Variants in FGF12 observed in about 807,000 individuals in gnomAD.
The protein encoded by FGF12 is fibroblast growth factor 12B.
In FGF12, 14 loss-of-function variants were observed where a neutral mutation model predicts 23.6. That is an observed-to-expected ratio of 0.59 (90% confidence interval 0.39 to 0.93). The LOEUF is 0.93. Among genes scored for constraint, FGF12 ranks in the 40% least tolerant of loss-of-function variants. FGF12 has a pLI of 0.00. For synonymous variants in FGF12, 62 were observed against 77.3 expected (o/e 0.80, Z 1.04); for missense variants, 175 against 217.8 (o/e 0.80, Z 1.24).
Position 192,727,252 on chromosome 3 carries a change from G to A in FGF12, c.-59C>T, listed in dbSNP as rs1719250607. 1.9e-6 allele frequency: 3 copies of A among 1,560,096 alleles called. No individual in the cohort carries two copies. The highest frequency in any genetic ancestry group is 1.9e-5 in the Admixed American group (1 of 51,868). On this transcript the variant is annotated 5_prime_UTR_variant, in exon 2 of 6. Coordinates refer to ENST00000445105, the MANE Select transcript of FGF12 (RefSeq NM_004113.6). Reference sequence around the variant, plus strand: ...GAAGTTGGCCGGAAGATGTGGGCCCGCTTCAGATTCCCAAATCTGGGAAGC... The same window carrying A: ...GAAGTTGGCCGGAAGATGTGGGCCCACTTCAGATTCCCAAATCTGGGAAGC...
chr3:192,441,331 G>A (rs1193960976), intron 2 of FGF12, among the ~76,000 whole-genome samples: 8 of 152,162 alleles, frequency 5.3e-5, no homozygotes, highest in Non-Finnish European at 7.3e-5. Context: ...GGGAATCTGA[G>A]GGAGGATTTA....
chr3:192,692,275 A>G (rs1303025849), intron 2 of FGF12, among the ~76,000 whole-genome samples: 1 of 152,214 alleles, frequency 6.6e-6, no homozygotes, highest in Non-Finnish European at 1.5e-5. Flanking sequence ...ATAAAATACT[A>G]GTAAACCAAG....
At chr3:192,660,365 TG>T (rs1350819605) in intron 2 of FGF12, among the ~76,000 whole-genome samples, 2 of 60,104 alleles carry the variant, frequency 3.3e-5, no homozygotes, top group African/African-American at 6.8e-5. Flanking sequence ...TGTTGTGGGG[TG>T]GGGGGAGGGG....
intron 2 of FGF12, among the ~76,000 whole-genome samples, chr3:192,398,380 TTTTTTC>T (rs869157305): frequency 2.0e-3 from 119 of 60,072 alleles, no homozygotes; most frequent in East Asian, 0.01. Flanking sequence ...TTATATTTTC[TTTTTTC>T]TTTTTTTTTT....
At chr3:192,483,299 G>T (rs1723532906) in intron 2 of FGF12, among the ~76,000 whole-genome samples, 1 of 151,910 alleles carries the variant, frequency 6.6e-6, no homozygotes, top group South Asian at 2.1e-4. Flanking sequence ...CTTTCCTGGG[G>T]ATTCATATAC....
chr3:192,371,938 A>C (rs2108744184), intron 2 of FGF12, among the ~76,000 whole-genome samples: 1 of 152,298 alleles, frequency 6.6e-6, no homozygotes, highest in Middle Eastern at 3.4e-3. Context: ...TCAGCCCACA[A>C]ACCCTGTGGA....
At chr3:192,684,077 C>G (rs1180310705) in intron 2 of FGF12, among the ~76,000 whole-genome samples, 1 of 152,156 alleles carries the variant, frequency 6.6e-6, no homozygotes, top group Non-Finnish European at 1.5e-5. Context: ...GGAGTGCCTG[C>G]TCTCGATGCA....
At chr3:192,596,143 A>AT (rs964009369) in intron 2 of FGF12, among the ~76,000 whole-genome samples, 1 of 148,028 alleles carries the variant, frequency 6.8e-6, no homozygotes, top group Non-Finnish European at 1.5e-5. Context: ...ATAATATAAT[A>AT]TACTCTTAAA....
In FGF12 at chr3:192,399,697, G is replaced by A. The variant is rs113064512; in HGVS notation, c.14-39159C>T. Among the ~76,000 whole-genome samples, 95 of 152,274 alleles carry A rather than the reference G, an allele frequency of 6.2e-4. 2 individuals are homozygous for A. The highest frequency in any genetic ancestry group is 2.1e-3 in the African/African-American group (87 of 41,560). ...CTTTCTAGGTGTTTGGCATTAGTAC[G>A]TTTAAAAACTCTCAGGTGATTTCAT... On this transcript the variant is annotated intron_variant, in intron 2 of 5. Transcript: ENST00000445105.
Position 192,655,703 on chromosome 3 carries a change from A to G in FGF12, c.13+71478T>C, listed in dbSNP as rs142849322. ...ATATTTTGAAATTAAAGAGCTACTG[A>G]GTAATAGATGGACGAGTGTCCCATG... On this transcript the variant is annotated intron_variant, in intron 2 of 5. Transcript: ENST00000445105. 8.2e-3 allele frequency among the ~76,000 whole-genome samples: 1,250 copies of G among 152,318 alleles called. 21 individuals carry two copies. The highest frequency in any genetic ancestry group is 0.029 in the African/African-American group (1,218 of 41,572).
chr3:192,408,953 C>A lies in FGF12; in HGVS notation c.14-48415G>T. The A allele has an allele frequency of 1.0e-6, 1 of 984,826 alleles. No homozygotes were observed. The highest frequency in any genetic ancestry group is 4.7e-5 in the South Asian group (1 of 21,256). 61.0% of individuals were successfully genotyped at this position (984,826 alleles called of 1,614,324 possible). A position where few individuals can be genotyped will look rare whatever the true frequency, so the allele number is the denominator to read the frequency against. ...ACCCGAGTTCTGGAATTCCGAGAGG[C>A]GCGAAGTGGGAGCGGTTACCCGGAG... On this transcript the variant is annotated intron_variant, in intron 2 of 5. Transcript: ENST00000445105. The surrounding 1 kb of genome is among the most constrained non-coding windows in gnomAD (Gnocchi z 7.3).
At chr3:192,165,249 C>G (rs550800642) in intron 5 of FGF12, among the ~76,000 whole-genome samples, 1 of 152,092 alleles carries the variant, frequency 6.6e-6, no homozygotes, top group East Asian at 1.9e-4. Flanking sequence ...GCCACTGCGT[C>G]TGTCCTAAAA....
chr3:192,191,850 G>A (rs1716810930), intron 4 of FGF12, among the ~76,000 whole-genome samples: 2 of 147,714 alleles, frequency 1.4e-5, no homozygotes, highest in South Asian at 4.3e-4. Flanking sequence ...AAAAAAAAAA[G>A]CCTTTAAAAA....
intron 2 of FGF12, among the ~76,000 whole-genome samples, chr3:192,536,013 C>T (rs1400893149): frequency 6.6e-6 from 1 of 152,168 alleles, no homozygotes; most frequent in Admixed American, 6.5e-5. Flanking sequence ...TGTAGGGTAA[C>T]ATTATGTCCT....
At chr3:192,431,715 A>G (rs1576977015) in intron 2 of FGF12, among the ~76,000 whole-genome samples, 1 of 152,218 alleles carries the variant, frequency 6.6e-6, no homozygotes, top group African/African-American at 2.4e-5. Flanking sequence ...ATAGACTTGT[A>G]TCTAGACTTA....
chr3:192,447,354 T>C (rs370165532), intron 2 of FGF12, among the ~76,000 whole-genome samples: 34 of 152,272 alleles, frequency 2.2e-4, no homozygotes, highest in Non-Finnish European at 4.3e-4. Context: ...ATGGGAAACA[T>C]TGGGGTCTTT....
chr3:192,563,037 A>G (rs901859506), intron 2 of FGF12, among the ~76,000 whole-genome samples: 3 of 152,184 alleles, frequency 2.0e-5, no homozygotes, highest in Non-Finnish European at 4.4e-5. Flanking sequence ...GAAAGACTCC[A>G]AGGATCTTGA....
chr3:192,690,638 G>A (rs1717914617), intron 2 of FGF12, among the ~76,000 whole-genome samples: 2 of 147,294 alleles, frequency 1.4e-5, no homozygotes, highest in South Asian at 4.3e-4. Context: ...AGCAAGAGAG[G>A]AAGGAAGGAT....
At chr3:192,508,657 A>C (rs1179109390) in intron 2 of FGF12, among the ~76,000 whole-genome samples, 1 of 152,198 alleles carries the variant, frequency 6.6e-6, no homozygotes, top group Non-Finnish European at 1.5e-5. Context: ...ACTTGAACTG[A>C]GTTGTAGAGT....
Sources: allele counts gnomAD v4.1 joint callset (sites outside exome capture counted in the v4.1 genomes callset), GRCh38; gene constraint gnomAD v4.1.1; non-coding constraint Gnocchi (gnomAD v3.1); transcripts MANE v1.5; gene names NCBI Gene and HGNC (gene_info 2026-07-23, HGNC 2026-07-21).